Variants in PCDHA1 observed in about 807,000 individuals in gnomAD.
The protein encoded by PCDHA1 is protocadherin alpha-1.
Under a neutral mutation model 61.3 loss-of-function variants are expected in PCDHA1, and 42 were observed. The ratio of observed to expected loss-of-function variants is 0.69; its 90% CI spans 0.54 to 0.89. The LOEUF (loss-of-function observed/expected upper bound fraction) is 0.89. Ranked by LOEUF, PCDHA1 falls within the 40% of genes least tolerant of loss-of-function variation. PCDHA1 has a pLI of 0.00. For synonymous variants in PCDHA1, 610 were observed against 553.8 expected (o/e 1.10, Z -1.43); for missense variants, 1,256 against 1,235.3 (o/e 1.02, Z -0.25).
At chr5:140,922,548 G>T (rs2080883425) in intron 1 of PCDHA1, among the ~76,000 whole-genome samples, 2 of 152,172 alleles carry the variant, frequency 1.3e-5, no homozygotes, top group Non-Finnish European at 2.9e-5. Flanking sequence ...GCAAGGTAAG[G>T]AGAAAAGTCA....
At chr5:140,874,174 G>A (rs2054753797) in intron 1 of PCDHA1, among the ~76,000 whole-genome samples, 1 of 152,292 alleles carries the variant, frequency 6.6e-6, no homozygotes, top group East Asian at 1.9e-4. Context: ...CTTTCCTGGT[G>A]TTGTAAAGGT....
rs2056928091 is a variant in PCDHA1 at position 140,877,191 on chromosome 5, A to C, written c.2394+88507A>C. 3 of 1,613,798 alleles carry C rather than the reference A, an allele frequency of 1.9e-6. No individual in the cohort carries two copies. The South Asian group carries it at 3.3e-5, about 18-fold the overall frequency. Reference sequence around the variant, plus strand: ...TGCTGGCGACTCCGGCTGGCAGCGCAGGAGGCGCAGTTAGCGAGTTGGTAC... The same window carrying C: ...TGCTGGCGACTCCGGCTGGCAGCGCCGGAGGCGCAGTTAGCGAGTTGGTAC... On this transcript the variant is annotated intron_variant, in intron 1 of 3. Transcript: ENST00000504120.
At chr5:140,809,269 G>A in intron 1 of PCDHA1, 2 of 1,614,106 alleles carry the variant, frequency 1.2e-6, no homozygotes, top group African/African-American at 1.3e-5. Flanking sequence ...CTGCGCTGGT[G>A]GATGTCAACG....
At chr5:140,946,277 AT>A (rs1554217463) in intron 1 of PCDHA1, among the ~76,000 whole-genome samples, 1 of 152,068 alleles carries the variant, frequency 6.6e-6, no homozygotes, top group Non-Finnish European at 1.5e-5. Flanking sequence ...TAAAACCCCA[AT>A]GAGATATCAC....
chr5:140,904,423 T>TTA (rs1304104435), intron 1 of PCDHA1, among the ~76,000 whole-genome samples: 1 of 151,090 alleles, frequency 6.6e-6, no homozygotes. Flanking sequence ...TACATATATT[T>TTA]TATATATATG....
In PCDHA1 at chr5:141,011,713, T is replaced by G. The variant is rs1198989870; in HGVS notation, c.*1776T>G. 6.5e-6 allele frequency: 1 copy of G among 153,774 alleles called. No individual in the cohort carries two copies. The highest frequency in any genetic ancestry group is 1.5e-5 in the Non-Finnish European group (1 of 68,048). 9.5% of individuals were successfully genotyped at this position (153,774 alleles called of 1,614,324 possible). On this transcript the variant is annotated 3_prime_UTR_variant, in exon 4 of 4. Coordinates refer to ENST00000504120, the MANE Select transcript of PCDHA1 (RefSeq NM_018900.4). Reference sequence around the variant, plus strand: ...ATTTTGGAATGAATACTGACAATATTCCATGAGGGTGTGCAAGCACAAATT... The same window carrying G: ...ATTTTGGAATGAATACTGACAATATGCCATGAGGGTGTGCAAGCACAAATT...
chr5:140,966,984 G>C lies in PCDHA1; in HGVS notation c.2395-11965G>C, dbSNP rs1217682338. ...CTGGGGCTTGAGCTGCGGCGCTTGGGGCCGGGTTGCTTGCGCATCAACCAT... is the reference window on the plus strand; with the variant it reads ...CTGGGGCTTGAGCTGCGGCGCTTGGCGCCGGGTTGCTTGCGCATCAACCAT... On this transcript the variant is annotated intron_variant, in intron 1 of 3. Transcript: ENST00000504120. 21 of 1,603,802 alleles carry C rather than the reference G, an allele frequency of 1.3e-5. No homozygotes were observed. The East Asian group carries it at 4.5e-4, about 34-fold the overall frequency.
At chr5:140,987,124 G>T (rs2097230182) in intron 3 of PCDHA1, among the ~76,000 whole-genome samples, 1 of 151,678 alleles carries the variant, frequency 6.6e-6, no homozygotes, top group Non-Finnish European at 1.5e-5. Flanking sequence ...TGAGGCAGGA[G>T]AATTGCTTGA....
intron 1 of PCDHA1, among the ~76,000 whole-genome samples, chr5:140,960,030 C>T (rs75063622): frequency 0.012 from 1,781 of 152,150 alleles, 34 homozygotes; most frequent in African/African-American, 0.039. Flanking sequence ...TTGTTAAGTC[C>T]GGCTGTTTAT....
At chr5:140,929,281 C>A in intron 1 of PCDHA1, 1 of 1,602,592 alleles carries the variant, frequency 6.2e-7, no homozygotes, top group Non-Finnish European at 8.5e-7. Context: ...ATCCTGTATT[C>A]AGATTCGGAA....
chr5:140,869,517 A>AT, intron 1 of PCDHA1: 1 of 1,614,200 alleles, frequency 6.2e-7, no homozygotes, highest in East Asian at 2.2e-5. Flanking sequence ...TCAGAGAACA[A>AT]AAGCTGCTGA....
In PCDHA1 at chr5:141,010,735, T is replaced by G. The variant is rs192374006; in HGVS notation, c.*798T>G. On this transcript the variant is annotated 3_prime_UTR_variant, in exon 4 of 4. Coordinates refer to ENST00000504120, the MANE Select transcript of PCDHA1 (RefSeq NM_018900.4). ...GTGCTCACTTTATTAAAAATTCTTT[T>G]GCACACAATGTTTATGAAAAGGCCA... The G allele has an allele frequency of 6.5e-6, 1 of 154,174 alleles. No individual in the cohort carries two copies. The highest frequency in any genetic ancestry group is 1.5e-5 in the Non-Finnish European group (1 of 68,224). 9.6% of individuals were successfully genotyped at this position (154,174 alleles called of 1,614,324 possible). A position where few individuals can be genotyped will look rare whatever the true frequency, so the allele number is the denominator to read the frequency against.
intron 1 of PCDHA1, chr5:140,870,876 G>T: frequency 1.2e-6 from 2 of 1,613,958 alleles, no homozygotes; most frequent in Non-Finnish European, 1.7e-6. Flanking sequence ...ACGTGGTGGC[G>T]AAGGTGCGCG....
intron 1 of PCDHA1, among the ~76,000 whole-genome samples, chr5:140,950,786 T>A (rs890329662): frequency 6.6e-6 from 1 of 152,140 alleles, no homozygotes; most frequent in Non-Finnish European, 1.5e-5. Context: ...TGGTACTTTT[T>A]AAATATTGTC....
At chr5:140,968,923 T>C in intron 1 of PCDHA1, 1 of 1,614,212 alleles carries the variant, frequency 6.2e-7, no homozygotes, top group Non-Finnish European at 8.5e-7. Flanking sequence ...CTTTTATATT[T>C]CTTTTGACAA....
chr5:140,788,676 T>G lies in PCDHA1; in HGVS notation c.2386T>G (p.Ser796Ala), dbSNP rs2149898550. 1 of 1,559,770 alleles carries G rather than the reference T, an allele frequency of 6.4e-7. No individual in the cohort carries two copies. The highest frequency in any genetic ancestry group is 2.3e-5 in the East Asian group (1 of 44,212). The change falls in exon 1 of 4, where the codon TCT (serine) becomes GCT (alanine). Residue 796 changes from serine to alanine, a missense_variant. By Grantham distance (99) the Ser-to-Ala change is moderately conservative. Coordinates refer to ENST00000504120, the MANE Select transcript of PCDHA1 (RefSeq NM_018900.4). ...NEQPEANLDLSGNPRQPNPDW... is the reference protein window; with the variant it reads ...NEQPEANLDLAGNPRQPNPDW... ...ACAACCAGAAGCAAATTTGGATCTT[T>G]CTGGTAATGTAAGTCCAACTTTCGA... is the stretch of plus-strand genomic sequence containing the variant.
At chr5:140,880,694 A>C (rs1254061280) in intron 1 of PCDHA1, among the ~76,000 whole-genome samples, 1 of 152,228 alleles carries the variant, frequency 6.6e-6, no homozygotes, top group Non-Finnish European at 1.5e-5. Context: ...AGTCATGGTT[A>C]AGTGACAATG....
At chr5:140,937,291 C>T (rs940890612) in intron 1 of PCDHA1, among the ~76,000 whole-genome samples, 1 of 152,104 alleles carries the variant, frequency 6.6e-6, no homozygotes, top group African/African-American at 2.4e-5. Flanking sequence ...CCCGCTTCGG[C>T]CTCCCAAAGT....
At chr5:140,828,791 G>A (rs2150159012) in intron 1 of PCDHA1, 1 of 1,614,192 alleles carries the variant, frequency 6.2e-7, no homozygotes, top group Non-Finnish European at 8.5e-7. Flanking sequence ...CACAGTGCTG[G>A]ATGTGAATGA....
Sources: gnomAD v4.1 joint callset for allele counts (sites outside exome capture counted in the v4.1 genomes callset) on GRCh38, gnomAD v4.1.1 for gene constraint, MANE v1.5 for transcripts, NCBI Gene and HGNC (gene_info 2026-07-23, HGNC 2026-07-21) for gene names.